EXOC4: variants seen among roughly 807,000 people sequenced by gnomAD.
The protein encoded by EXOC4 is exocyst complex component 4, also known as SEC8-like 1.
Under a neutral mutation model 107.2 loss-of-function variants are expected in EXOC4, and 71 were observed. The ratio of observed to expected loss-of-function variants is 0.66; its 90% CI spans 0.55 to 0.81. EXOC4 has a LOEUF of 0.81. EXOC4 is among the 30% of genes least tolerant of loss of function. The pLI, the probability that EXOC4 is intolerant of heterozygous loss-of-function variation, is 0.00. For missense variants in EXOC4, 1,108 were observed against 1,189.6 expected, an observed-to-expected ratio of 0.93 and a Z score of 1.01; for synonymous variants, 456 against 441.2, an observed-to-expected ratio of 1.03 and a Z score of -0.42.
the EXOC4 span, among the ~76,000 whole-genome samples, chr7:134,078,945 G>T: frequency 2.0e-5 from 3 of 152,114 alleles, no homozygotes; most frequent in Non-Finnish European, 2.9e-5. Flanking sequence ...CACTGTTCCA[G>T]ACCTACAGAG....
At chr7:133,691,931 C>G (rs916517429) in intron 10 of EXOC4, among the ~76,000 whole-genome samples, 1 of 152,150 alleles carries the variant, frequency 6.6e-6, no homozygotes, top group African/African-American at 2.4e-5. Context: ...ACCATCTCCA[C>G]TGTGTACGTC....
chr7:133,346,061 A>T (rs1795777112), intron 5 of EXOC4, among the ~76,000 whole-genome samples: 1 of 152,184 alleles, frequency 6.6e-6, no homozygotes, highest in African/African-American at 2.4e-5. Flanking sequence ...CATTAATTAG[A>T]ATAAAAGATG....
At chr7:133,721,108 A>G (rs929302362) in intron 10 of EXOC4, among the ~76,000 whole-genome samples, 1 of 152,154 alleles carries the variant, frequency 6.6e-6, no homozygotes, top group African/African-American at 2.4e-5. Flanking sequence ...CCATCAAAAT[A>G]TGTACTATAC....
intron 11 of EXOC4, among the ~76,000 whole-genome samples, chr7:133,825,514 A>G (rs76051841): frequency 0.049 from 7,471 of 152,266 alleles, 607 homozygotes; most frequent in African/African-American, 0.17. Flanking sequence ...GGACACAGCT[A>G]CTTACAGTAT....
intron 9 of EXOC4, among the ~76,000 whole-genome samples, chr7:133,545,480 T>G (rs1052972150): frequency 6.6e-6 from 1 of 152,188 alleles, no homozygotes; most frequent in Non-Finnish European, 1.5e-5. Flanking sequence ...GTTCTTTCCC[T>G]TTTCCCATTA....
chr7:134,068,401 C>G (rs913685412), downstream of EXOC4, among the ~76,000 whole-genome samples: 1 of 152,136 alleles, frequency 6.6e-6, no homozygotes, highest in Non-Finnish European at 1.5e-5. Flanking sequence ...TTATAAAGGG[C>G]AGTTCTCCCA....
intron 10 of EXOC4, among the ~76,000 whole-genome samples, chr7:133,698,118 G>GA (rs11429736): frequency 0.98 from 149,272 of 151,930 alleles, 73,402 homozygotes; most frequent in Middle Eastern, 1. Flanking sequence ...AATAATTTAT[G>GA]AAAAAAAATT....
At chr7:133,620,552 C>T (rs965324150) in intron 9 of EXOC4, among the ~76,000 whole-genome samples, 3 of 152,070 alleles carry the variant, frequency 2.0e-5, no homozygotes, top group African/African-American at 4.8e-5. Context: ...GTAGAGATGC[C>T]CAAATGTTCA....
intron 14 of EXOC4, among the ~76,000 whole-genome samples, chr7:133,969,170 G>A (rs1048666247): frequency 6.6e-6 from 1 of 152,156 alleles, no homozygotes; most frequent in Admixed American, 6.5e-5. Flanking sequence ...AAGCTGTCAT[G>A]CTGTGTTTTT....
chr7:134,099,676 A>G, the EXOC4 span, among the ~76,000 whole-genome samples: 87 of 151,424 alleles, frequency 5.7e-4, no homozygotes, highest in African/African-American at 2.1e-3. Flanking sequence ...GACTACAGGC[A>G]CCCGCCACCT....
intron 12 of EXOC4, among the ~76,000 whole-genome samples, chr7:133,913,147 A>T (rs1260981770): frequency 6.6e-6 from 1 of 152,342 alleles, no homozygotes; most frequent in African/African-American, 2.4e-5. Flanking sequence ...AAACTTTGGA[A>T]TACTCATCAT....
rs576141116 is a variant in EXOC4 at position 133,276,176 on chromosome 7, T to C, written c.276+1005T>C. 2.2e-3 allele frequency among the ~76,000 whole-genome samples: 330 copies of C among 152,238 alleles called. 1 individual carries two copies. Among genetic ancestry groups the C allele is most frequent in the African/African-American group, 7.3e-3 (303 of 41,548 alleles). Reference sequence around the variant, plus strand: ...TCCTTTCTCCCCTACTTTCTTCCTTTTGCTGTAGGTCCTTGAGAAAACTCT... The same window carrying C: ...TCCTTTCTCCCCTACTTTCTTCCTTCTGCTGTAGGTCCTTGAGAAAACTCT... On this transcript the variant is annotated intron_variant, in intron 2 of 17. Coordinates refer to ENST00000253861, the MANE Select transcript of EXOC4 (RefSeq NM_021807.4).
chr7:133,789,882 C>T (rs1796668232), intron 10 of EXOC4, among the ~76,000 whole-genome samples: 1 of 152,174 alleles, frequency 6.6e-6, no homozygotes, highest in South Asian at 2.1e-4. Flanking sequence ...TTCTAACTCT[C>T]CATCTTAGAT....
chr7:133,739,297 G>A (rs944081251), intron 10 of EXOC4, among the ~76,000 whole-genome samples: 4 of 150,020 alleles, frequency 2.7e-5, no homozygotes, highest in Admixed American at 1.3e-4. Flanking sequence ...ACTTGACCTC[G>A]TTTAATTGTG....
At chr7:133,913,054 T>A (rs938957133) in intron 12 of EXOC4, among the ~76,000 whole-genome samples, 3 of 152,066 alleles carry the variant, frequency 2.0e-5, no homozygotes, top group Non-Finnish European at 4.4e-5. Context: ...GCTTGACAAG[T>A]AGAGGCAAAC....
chr7:133,981,176 G>T (rs1793970270), intron 14 of EXOC4, among the ~76,000 whole-genome samples: 1 of 152,186 alleles, frequency 6.6e-6, no homozygotes, highest in Non-Finnish European at 1.5e-5. Flanking sequence ...GCTACTCATG[G>T]TGATGATCTA....
chr7:133,899,964 C>G lies in EXOC4; in HGVS notation c.1871+4229C>G, dbSNP rs1451503102. On this transcript the variant is annotated intron_variant, in intron 12 of 17. Transcript: ENST00000253861. ...GTTTCACCATGTTGGCCAGGCTGGT[C>G]TCGATCGAATTCCTGGCCTCAAGCG... is the stretch of plus-strand genomic sequence containing the variant. Among the ~76,000 whole-genome samples the G allele has an allele frequency of 5.9e-5, 9 of 152,144 alleles. No homozygotes were observed. The East Asian group carries it at 1.5e-3, about 26-fold the overall frequency.
intron 9 of EXOC4, among the ~76,000 whole-genome samples, chr7:133,501,979 C>T (rs1051249019): frequency 6.6e-6 from 1 of 152,070 alleles, no homozygotes; most frequent in African/African-American, 2.4e-5. Flanking sequence ...CGATTTATGA[C>T]TGAGAATTAA....
At chr7:133,668,822 C>T (rs1793874065) in intron 10 of EXOC4, among the ~76,000 whole-genome samples, 1 of 152,102 alleles carries the variant, frequency 6.6e-6, no homozygotes, top group South Asian at 2.1e-4. Context: ...AGGTGCCTTT[C>T]TGGAGAGAGC....
Sources: gnomAD v4.1 joint callset for allele counts (sites outside exome capture counted in the v4.1 genomes callset) on GRCh38, gnomAD v4.1.1 for gene constraint, MANE v1.5 for transcripts, NCBI Gene and HGNC (gene_info 2026-07-23, HGNC 2026-07-21) for gene names.